Variants in GRIA4 observed in about 807,000 individuals in gnomAD.
The protein encoded by GRIA4 is glutamate ionotropic receptor AMPA type subunit 4, also known as glutamate receptor 4.
Under a neutral mutation model 104.0 loss-of-function variants are expected in GRIA4, and 34 were observed. The observed-to-expected ratio is 0.33, with a 90% CI of 0.25 to 0.44. The LOEUF (loss-of-function observed/expected upper bound fraction) is 0.44, where lower values mean the gene tolerates loss of function less well. GRIA4 is among the 20% of genes least tolerant of loss of function. The pLI, the probability that GRIA4 is intolerant of heterozygous loss-of-function variation, is 1.00. For synonymous variants in GRIA4, 386 were observed against 381.9 expected, an observed-to-expected ratio of 1.01 and a Z score of -0.13; for missense variants, 750 against 1,096.5, an observed-to-expected ratio of 0.68 and a Z score of 4.46.
intron 3 of GRIA4, among the ~76,000 whole-genome samples, chr11:105,746,672 T>C (rs1939679463): frequency 6.6e-6 from 1 of 152,114 alleles, no homozygotes; most frequent in South Asian, 2.1e-4. Flanking sequence ...TTCTATAACA[T>C]TAGCATAATT....
chr11:105,647,847 T>A lies in GRIA4; in HGVS notation c.247+35413T>A, dbSNP rs189360646. Among the ~76,000 whole-genome samples the A allele has an allele frequency of 3.0e-3, 462 of 152,150 alleles. 3 individuals carry two copies. The highest frequency in any genetic ancestry group is 0.01 in the African/African-American group (420 of 41,526). On this transcript the variant is annotated intron_variant, in intron 3 of 16. Coordinates refer to ENST00000282499, the MANE Select transcript of GRIA4 (RefSeq NM_000829.4). The stretch of plus-strand genomic sequence containing the variant: ...TCAGGCACGTGCCTGTAGTCCCAGC[T>A]ACTTGGAAGTCTGAGGTGGGAGAAT...
At chr11:105,745,648 C>A (rs946862754) in intron 3 of GRIA4, among the ~76,000 whole-genome samples, 7 of 152,148 alleles carry the variant, frequency 4.6e-5, no homozygotes, top group African/African-American at 1.7e-4. Context: ...TTAGTTTTAT[C>A]TGTAAAATAT....
intron 3 of GRIA4, among the ~76,000 whole-genome samples, chr11:105,682,383 G>A (rs753614868): frequency 1.1e-4 from 17 of 152,148 alleles, no homozygotes; most frequent in Admixed American, 2.6e-4. Flanking sequence ...ACTGTTCCCT[G>A]TAAATGTTTT....
intron 3 of GRIA4, among the ~76,000 whole-genome samples, chr11:105,730,637 G>C (rs541829404): frequency 6.6e-6 from 1 of 152,260 alleles, no homozygotes; most frequent in East Asian, 1.9e-4. Flanking sequence ...GTGCTACAAG[G>C]CTACAGTAAC....
At chr11:105,778,469 G>A (rs982712246) in intron 4 of GRIA4, among the ~76,000 whole-genome samples, 7 of 152,238 alleles carry the variant, frequency 4.6e-5, no homozygotes, top group Non-Finnish European at 8.8e-5. Flanking sequence ...CACTTTGGGA[G>A]GCCGAGGTGG....
At chr11:105,950,498 A>G (rs913649356) in intron 14 of GRIA4, among the ~76,000 whole-genome samples, 4 of 151,760 alleles carry the variant, frequency 2.6e-5, no homozygotes, top group African/African-American at 7.3e-5. Flanking sequence ...GGGACCCAAG[A>G]TTACATGTCT....
chr11:105,658,397 C>CA (rs1951907545), intron 3 of GRIA4, among the ~76,000 whole-genome samples: 1 of 151,622 alleles, frequency 6.6e-6, no homozygotes, highest in South Asian at 2.1e-4. Flanking sequence ...GATCTTTAAA[C>CA]AGAGTATTTC....
At chr11:105,917,082 C>T (rs1390680013) in intron 10 of GRIA4, among the ~76,000 whole-genome samples, 2 of 152,162 alleles carry the variant, frequency 1.3e-5, no homozygotes, top group Non-Finnish European at 2.9e-5. Context: ...AATTTTATAA[C>T]CACATTTGCT....
intron 4 of GRIA4, among the ~76,000 whole-genome samples, chr11:105,854,215 A>G (rs1395491531): frequency 6.6e-6 from 1 of 152,124 alleles, no homozygotes; most frequent in Non-Finnish European, 1.5e-5. Context: ...TGTTGGGGAG[A>G]AAGTAAAGCA....
chr11:105,677,740 G>T (rs1952583185), intron 3 of GRIA4, among the ~76,000 whole-genome samples: 1 of 151,804 alleles, frequency 6.6e-6, no homozygotes, highest in Admixed American at 6.6e-5. Context: ...AGTTGAATTG[G>T]GATCTAAATG....
At chr11:105,746,986 A>G (rs953582052) in intron 3 of GRIA4, among the ~76,000 whole-genome samples, 1 of 152,190 alleles carries the variant, frequency 6.6e-6, no homozygotes, top group Non-Finnish European at 1.5e-5. Context: ...CCCTGGCTCA[A>G]AGAGTAATCC....
intron 14 of GRIA4, among the ~76,000 whole-genome samples, chr11:105,934,897 T>C (rs1463753032): frequency 5.9e-5 from 9 of 152,032 alleles, no homozygotes; most frequent in Admixed American, 5.9e-4. Context: ...TTAGGAGAAA[T>C]GTATACAAAG....
At chr11:105,621,382 C>CT (rs980018394) in intron 3 of GRIA4, among the ~76,000 whole-genome samples, 41 of 146,072 alleles carry the variant, frequency 2.8e-4, no homozygotes, top group Admixed American at 4.1e-4. Context: ...TCTTTCCAGA[C>CT]TTTTTTTTTT....
At chr11:105,658,950 C>G (rs1265167326) in intron 3 of GRIA4, among the ~76,000 whole-genome samples, 1 of 151,892 alleles carries the variant, frequency 6.6e-6, no homozygotes, top group East Asian at 1.9e-4. Flanking sequence ...CTTCCTAAAA[C>G]CCCAATAAAA....
chr11:105,934,901 T>C (rs1487573334), intron 14 of GRIA4, among the ~76,000 whole-genome samples: 1 of 152,110 alleles, frequency 6.6e-6, no homozygotes, highest in Non-Finnish European at 1.5e-5. Flanking sequence ...GAGAAATGTA[T>C]ACAAAGCACA....
intron 4 of GRIA4, among the ~76,000 whole-genome samples, chr11:105,799,997 G>T (rs7129285): frequency 0.046 from 7,014 of 152,152 alleles, 402 homozygotes; most frequent in African/African-American, 0.13. Flanking sequence ...AGAGGGCAAA[G>T]GAGTTGAGGG....
intron 3 of GRIA4, among the ~76,000 whole-genome samples, chr11:105,628,279 A>C (rs1950939300): frequency 6.6e-6 from 1 of 152,236 alleles, no homozygotes; most frequent in South Asian, 2.1e-4. Context: ...TACAGCAAAC[A>C]CATATAGAGT....
At chr11:105,720,072 A>G (rs1234572680) in intron 3 of GRIA4, among the ~76,000 whole-genome samples, 1 of 151,670 alleles carries the variant, frequency 6.6e-6, no homozygotes, top group Non-Finnish European at 1.5e-5. Flanking sequence ...TCTGCATTCA[A>G]GGGGTAAAAA....
At chr11:105,884,713 G>A (rs1946190580) in intron 5 of GRIA4, among the ~76,000 whole-genome samples, 1 of 152,110 alleles carries the variant, frequency 6.6e-6, no homozygotes, top group Admixed American at 6.6e-5. Flanking sequence ...GTCCCTTTCA[G>A]TTCTTTGTGG....
Sources: allele counts gnomAD v4.1 joint callset (sites outside exome capture counted in the v4.1 genomes callset), GRCh38; gene constraint gnomAD v4.1.1; transcripts MANE v1.5; gene names NCBI Gene and HGNC (gene_info 2026-07-23, HGNC 2026-07-21).